The following CD82 variants were observed in gnomAD, a reference collection of about 807,000 sequenced individuals.
CD82 encodes the protein CD82 molecule, also known as CD82 antigen.
CD82 carries 36 observed loss-of-function variants against 37.4 expected under a neutral mutation model. The observed-to-expected ratio is 0.96, with a 90% CI of 0.74 to 1.27. CD82 has a LOEUF of 1.27. Ranked by LOEUF, CD82 falls within the 50% of genes most tolerant of loss-of-function variation. The probability of loss-of-function intolerance (pLI) is 0.00; values close to 1 mark genes in which losing one functional copy is unlikely to be tolerated. For synonymous variants in CD82, 158 were observed against 137.4 expected, an observed-to-expected ratio of 1.15 and a Z score of -1.05; for missense variants, 340 against 347.0, an observed-to-expected ratio of 0.98 and a Z score of 0.16.
chr11:44,619,353 G>A lies in CD82; in HGVS notation c.*227G>A, dbSNP rs1298271191. 1.8e-6 allele frequency: 1 copy of A among 552,178 alleles called. No homozygotes were observed. The highest frequency in any genetic ancestry group is 3.2e-6 in the Non-Finnish European group (1 of 308,610). 34.2% of individuals were successfully genotyped at this position (552,178 alleles called of 1,614,324 possible). ...GTTCCTCTGCTCACCGCCCATCAGG[G>A]TTCTCTTAGCAACTCAGAGAAAAAT... On this transcript the variant is annotated 3_prime_UTR_variant, in exon 10 of 10. Coordinates refer to ENST00000227155, the MANE Select transcript of CD82 (RefSeq NM_002231.4).
intron 1 of CD82, among the ~76,000 whole-genome samples, chr11:44,579,148 T>C (rs1590329360): frequency 1.3e-5 from 2 of 151,210 alleles, no homozygotes; most frequent in Non-Finnish European, 1.5e-5. Context: ...ACAGGCTTTT[T>C]CCCAGGGCAC....
At chr11:44,576,090 C>T (rs1852887920) in intron 1 of CD82, among the ~76,000 whole-genome samples, 1 of 152,218 alleles carries the variant, frequency 6.6e-6, no homozygotes, top group African/African-American at 2.4e-5. Context: ...TATCCCCTGA[C>T]TGACACTTCA....
At chr11:44,600,317 G>C in intron 4 of CD82, 87 bp downstream of exon 4, 1 of 1,249,256 alleles carries the variant, frequency 8.0e-7, no homozygotes, top group Non-Finnish European at 1.2e-6. Context: ...TAAGTGCTTC[G>C]GCTTCAATGC....
intron 6 of CD82, among the ~76,000 whole-genome samples, chr11:44,612,066 G>A (rs574589087): frequency 6.6e-6 from 1 of 152,204 alleles, no homozygotes; most frequent in East Asian, 1.9e-4. Flanking sequence ...TTTCCACACC[G>A]TGGGGATCAC....
At chr11:44,586,127 C>T (rs1853051180) in intron 1 of CD82, among the ~76,000 whole-genome samples, 1 of 152,160 alleles carries the variant, frequency 6.6e-6, no homozygotes, top group African/African-American at 2.4e-5. Context: ...CACTGGAACC[C>T]CCTGGAGAAC....
rs766789029 is a variant in CD82, at chr11:44,605,387, C to G, written c.294C>G (p.Ala98=). The change falls in exon 6 of 10, where the codon GCC becomes GCG. Residue 98 remains alanine (A), a synonymous_variant. Transcript: ENST00000227155. ...CTTTCCTGCTCCTGATCCTCATTGC[C>G]CAGGTGACGGCCGGGGCCCTCTTCT... is the stretch of plus-strand genomic sequence containing the variant. ...YFAFLLLILI[A]QVTAGALFYF... The G allele has an allele frequency of 2.5e-6, 4 of 1,614,086 alleles. No homozygotes were observed. The highest frequency in any genetic ancestry group is 1.3e-5 in the African/African-American group (1 of 74,926).
chr11:44,585,179 A>G (rs1187277880), intron 1 of CD82: 1 of 455,942 alleles, frequency 2.2e-6, no homozygotes, highest in Non-Finnish European at 4.4e-6. Flanking sequence ...ATCTTCTGGC[A>G]CGGAGCCTCT....
In CD82 at chr11:44,615,336, A is replaced by G; in HGVS notation, c.401A>G (p.Asp134Gly). ...LIRDYNSSREDSLQDAWDYVQ... is the reference protein window; with the variant it reads ...LIRDYNSSREGSLQDAWDYVQ... ...CGAGACTACAACAGCAGTCGCGAGG[A>G]CAGCCTGCAGGATGCCTGGGACTAC... Residue 134 changes from aspartate to glycine, a missense_variant, in exon 7 of 10, where the codon GAC becomes GGC. Physicochemically the swap from Asp to Gly is moderately conservative, Grantham distance 94 (BLOSUM62 -1). Transcript: ENST00000227155. 6.2e-7 allele frequency: 1 copy of G among 1,613,818 alleles called. No homozygotes were observed. The highest frequency in any genetic ancestry group is 8.5e-7 in the Non-Finnish European group (1 of 1,179,732).
At chr11:44,575,958 C>T (rs1852885107) in intron 1 of CD82, among the ~76,000 whole-genome samples, 1 of 152,230 alleles carries the variant, frequency 6.6e-6, no homozygotes, top group African/African-American at 2.4e-5. Flanking sequence ...TTGACTTCTC[C>T]AGTGCAGGTC....
intron 4 of CD82, among the ~76,000 whole-genome samples, chr11:44,602,831 G>A (rs1323969507): frequency 2.0e-5 from 3 of 152,114 alleles, no homozygotes; most frequent in Admixed American, 6.5e-5. Flanking sequence ...CGGAGACCTC[G>A]CAGTTTGTCT....
chr11:44,589,581 T>G (rs1345368445), intron 2 of CD82, among the ~76,000 whole-genome samples: 1 of 152,248 alleles, frequency 6.6e-6, no homozygotes. Context: ...CATTGAGTCC[T>G]GACTGTACCA....
intron 6 of CD82, among the ~76,000 whole-genome samples, chr11:44,614,342 T>C (rs1454718972): frequency 6.6e-6 from 1 of 152,222 alleles, no homozygotes; most frequent in Non-Finnish European, 1.5e-5. Flanking sequence ...TCCCTGTCCC[T>C]CCTTCTCCCT....
In CD82 at chr11:44,590,435, G is replaced by A. The variant is rs571981681; in HGVS notation, c.-21+2879G>A. On this transcript the variant is annotated intron_variant, in intron 2 of 9. Coordinates refer to ENST00000227155, the MANE Select transcript of CD82 (RefSeq NM_002231.4). The stretch of plus-strand genomic sequence containing the variant: ...CATCCTGGCTAACACAGTGAAACCC[G>A]TCTCTACTAAAAATACAAAAACAAA... Among the ~76,000 whole-genome samples the A allele has an allele frequency of 2.7e-3, 415 of 151,106 alleles. 2 individuals carry two copies. Among genetic ancestry groups the A allele is most frequent in the Admixed American group, 9.7e-3 (147 of 15,164 alleles).
intron 6 of CD82, among the ~76,000 whole-genome samples, chr11:44,614,925 G>C (rs895711262): frequency 3.3e-5 from 5 of 152,214 alleles, no homozygotes; most frequent in Non-Finnish European, 7.3e-5. Flanking sequence ...AGGACAGAAG[G>C]CCTGGGGAGG....
intron 2 of CD82, among the ~76,000 whole-genome samples, chr11:44,588,341 A>C (rs1436225878): frequency 6.6e-6 from 1 of 151,444 alleles, no homozygotes; most frequent in Non-Finnish European, 1.5e-5. Context: ...CCTCTTCCTC[A>C]GCCTCCCAAG....
chr11:44,618,693 C>CG lies in CD82; in HGVS notation c.698dup (p.Val234ArgfsTer77). 1 of 1,613,396 alleles carries CG rather than the reference C, an allele frequency of 6.2e-7. No individual in the cohort carries two copies. Among genetic ancestry groups the CG allele is most frequent in the Non-Finnish European group, 8.5e-7 (1 of 1,179,824 alleles). On this transcript the variant is annotated frameshift_variant, in exon 9 of 10. Coordinates refer to ENST00000227155, the MANE Select transcript of CD82 (RefSeq NM_002231.4). LOFTEE classifies it high-confidence loss of function. ...TGCAGGAGAACCTGGGCATCATCCTCGGCGTGGGCGTGGGTGTGGCCATCA... is the reference window on the plus strand; with the variant it reads ...TGCAGGAGAACCTGGGCATCATCCTCGGGCGTGGGCGTGGGTGTGGCCATCA...
rs987658953 is a variant in CD82 at position 44,597,528 on chromosome 11, C to T, written c.64-2630C>T. 6.6e-6 allele frequency among the ~76,000 whole-genome samples: 1 copy of T among 152,284 alleles called. No individual in the cohort carries two copies. The highest frequency in any genetic ancestry group is 1.5e-5 in the Non-Finnish European group (1 of 68,054). ...CCACATCTGACCATCAGGCTGGGGT[C>T]ATCAGACCTACAGAGGGACTGAATG... On this transcript the variant is annotated intron_variant, in intron 3 of 9. Transcript: ENST00000227155. This position sits in a 1 kb window ranked among gnomAD's most constrained non-coding sequence, Gnocchi z 4.1.
intron 6 of CD82, among the ~76,000 whole-genome samples, chr11:44,609,257 C>T (rs1356986770): frequency 6.6e-6 from 1 of 152,258 alleles, no homozygotes; most frequent in Non-Finnish European, 1.5e-5. Flanking sequence ...GCTCTTGGGC[C>T]ATGCCCAGTG....
intron 1 of CD82, among the ~76,000 whole-genome samples, chr11:44,576,041 C>T (rs1254211188): frequency 6.6e-6 from 1 of 152,218 alleles, no homozygotes; most frequent in Non-Finnish European, 1.5e-5. Flanking sequence ...AGGCAGATTC[C>T]TCCACACCAT....
Sources: gnomAD v4.1 joint callset for allele counts (sites outside exome capture counted in the v4.1 genomes callset) on GRCh38, gnomAD v4.1.1 for gene constraint, Gnocchi (gnomAD v3.1) non-coding constraint, MANE v1.5 for transcripts, NCBI Gene and HGNC (gene_info 2026-07-23, HGNC 2026-07-21) for gene names.